Variants in CNOT4 observed in about 807,000 individuals in gnomAD.
The protein encoded by CNOT4 is CCR4-associated factor 4.
In CNOT4, 8 loss-of-function variants were observed where a neutral mutation model predicts 73.8. That is an observed-to-expected ratio of 0.11 (90% CI 0.06 to 0.20). CNOT4 has a LOEUF of 0.20. CNOT4 is among the 10% of genes least tolerant of loss of function. The probability of loss-of-function intolerance (pLI) is 1.00; values close to 1 mark genes in which losing one functional copy is unlikely to be tolerated. For missense variants in CNOT4, 564 were observed against 883.4 expected (o/e 0.64, Z 4.58); for synonymous variants, 293 against 321.1 (o/e 0.91, Z 0.94).
At chr7:135,415,125 G>A in intron 4 of CNOT4, 51 bp downstream of exon 4, 1 of 1,084,756 alleles carries the variant, frequency 9.2e-7, no homozygotes, top group Non-Finnish European at 1.4e-6. Flanking sequence ...AACAGCCCAG[G>A]TCAAGCCCAG....
chr7:135,395,984 A>G, intron 8 of CNOT4, 101 bp from the exon 9 acceptor site: 1 of 715,348 alleles, frequency 1.4e-6, no homozygotes, highest in South Asian at 1.9e-5. Context: ...AGTGTTTCAC[A>G]AACTGGTACT....
At position 135,362,436 on chromosome 7, in the gene CNOT4, T is replaced by C. The variant is rs1457422905; in HGVS notation, c.*449A>G. On this transcript the variant is annotated 3_prime_UTR_variant, in exon 12 of 12. Transcript: ENST00000541284. ...AATACAAGATGGATGCTAGGACCAC[T>C]GCTTTCCCCCATGCATTTAGCAATC... 1 of 274,696 alleles carries C rather than the reference T, an allele frequency of 3.6e-6. No homozygotes were observed. The highest frequency in any genetic ancestry group is 2.2e-5 in the African/African-American group (1 of 44,884). The allele number at this position is 274,696 out of a possible 1,614,324, so 17.0% of individuals were successfully genotyped here.
At chr7:135,464,855 T>G (rs535739665) in intron 1 of CNOT4, among the ~76,000 whole-genome samples, 3 of 152,094 alleles carry the variant, frequency 2.0e-5, no homozygotes. Context: ...TTTTGATATT[T>G]ACTGTTAATA....
At chr7:135,476,529 G>T (rs1301398513) in intron 1 of CNOT4, among the ~76,000 whole-genome samples, 3 of 152,156 alleles carry the variant, frequency 2.0e-5, no homozygotes, top group African/African-American at 7.2e-5. Flanking sequence ...AGATTAAAAG[G>T]AGCTGGGCAT....
At chr7:135,442,174 T>C (rs1354774626) in intron 1 of CNOT4, among the ~76,000 whole-genome samples, 3 of 152,254 alleles carry the variant, frequency 2.0e-5, no homozygotes, top group Admixed American at 6.5e-5. Flanking sequence ...ATTTCCTAAA[T>C]GTATTATAGT....
intron 10 of CNOT4, among the ~76,000 whole-genome samples, chr7:135,380,262 GTTT>G (rs1375739438): frequency 6.6e-6 from 1 of 152,096 alleles, no homozygotes; most frequent in South Asian, 2.1e-4. Context: ...ATTACTATAA[GTTT>G]TTTTCCATTT....
intron 7 of CNOT4, among the ~76,000 whole-genome samples, chr7:135,402,648 A>C (rs1344027437): frequency 6.6e-6 from 1 of 152,200 alleles, no homozygotes; most frequent in African/African-American, 2.4e-5. Flanking sequence ...GACTCCTCAA[A>C]GTCTCTCAAA....
chr7:135,407,979 TCA>T lies in CNOT4; in HGVS notation c.821+2534_821+2535del, dbSNP rs533753335. On this transcript the variant is annotated intron_variant, in intron 7 of 11. Coordinates refer to ENST00000541284, the MANE Select transcript of CNOT4 (RefSeq NM_001190850.2). ...CAAATAAAACATGGGAAACATAAACTCACAGTGCATAAAAAGTTCACTCTGTT... is the reference window on the plus strand; with the variant it reads ...CAAATAAAACATGGGAAACATAAACTCAGTGCATAAAAAGTTCACTCTGTT... Among the ~76,000 whole-genome samples, 358 of 152,250 alleles carry T rather than the reference TCA, an allele frequency of 2.4e-3. 1 individual carries two copies. The highest frequency in any genetic ancestry group is 4.0e-3 in the Non-Finnish European group (275 of 68,016).
At chr7:135,428,282 G>C (rs1428396642) in intron 2 of CNOT4, among the ~76,000 whole-genome samples, 1 of 152,014 alleles carries the variant, frequency 6.6e-6, no homozygotes, top group East Asian at 1.9e-4. Context: ...CTAGTCCTTG[G>C]GGAACCTTAC....
At chr7:135,455,331 C>T (rs1800458265) in intron 1 of CNOT4, among the ~76,000 whole-genome samples, 1 of 151,552 alleles carries the variant, frequency 6.6e-6, no homozygotes, top group Non-Finnish European at 1.5e-5. Context: ...TATAGCAATG[C>T]CAACCAATTC....
intron 10 of CNOT4, among the ~76,000 whole-genome samples, chr7:135,371,993 A>G (rs1795229526): frequency 6.6e-6 from 1 of 152,212 alleles, no homozygotes. Context: ...GAGGAGATCC[A>G]AAGATGGTCA....
chr7:135,504,263 T>C lies in CNOT4; in HGVS notation c.-93+5626A>G, dbSNP rs541417100. Among the ~76,000 whole-genome samples the C allele has an allele frequency of 7.0e-4, 106 of 152,156 alleles. 2 individuals are homozygous for C. The South Asian group carries it at 0.021, about 30-fold the overall frequency. ...TATTTTGCCTACATCATTCACTAAT[T>C]GCTTCCAAAAGCAGTAATATAAGAT... On this transcript the variant is annotated intron_variant, in intron 1 of 11. Transcript: ENST00000541284.
chr7:135,378,470 C>A (rs924356071), intron 10 of CNOT4, among the ~76,000 whole-genome samples: 1 of 151,660 alleles, frequency 6.6e-6, no homozygotes, highest in Middle Eastern at 3.4e-3. Context: ...CACCACTGCC[C>A]TCCAGCCTGG....
At position 135,395,794 on chromosome 7, in the gene CNOT4, C is replaced by T. The variant is rs1182304045; in HGVS notation, c.969G>A (p.Arg323=). The T allele has an allele frequency of 6.2e-7, 1 of 1,613,570 alleles. No individual in the cohort carries two copies. The part of the protein sequence containing the change: ...IPISSSNHSA[R]SPFEGAVTES... ...CTGTTACTGCCCCTTCAAAAGGGGACCGTGCACTGTGATTGGATGAACTGA... is the reference window on the plus strand; with the variant it reads ...CTGTTACTGCCCCTTCAAAAGGGGATCGTGCACTGTGATTGGATGAACTGA... Residue 323 remains arginine (R), a synonymous_variant, in exon 9 of 12, where the codon CGG becomes CGA. Coordinates refer to ENST00000541284, the MANE Select transcript of CNOT4 (RefSeq NM_001190850.2).
At chr7:135,504,462 ATT>A (rs34100799) in intron 1 of CNOT4, among the ~76,000 whole-genome samples, 1,358 of 55,922 alleles carry the variant, frequency 0.024, 34 homozygotes, top group East Asian at 0.046. Context: ...CATCCGGCTA[ATT>A]TTTTTTTTTT....
At chr7:135,434,270 T>G (rs1024981439) in intron 2 of CNOT4, among the ~76,000 whole-genome samples, 1 of 152,184 alleles carries the variant, frequency 6.6e-6, no homozygotes, top group Non-Finnish European at 1.5e-5. Context: ...CTTGCTTGAC[T>G]CCGACCGACA....
At position 135,418,414 on chromosome 7, in the gene CNOT4, G is replaced by T. The variant is rs75144346; in HGVS notation, c.373-3152C>A. On this transcript the variant is annotated intron_variant, in intron 3 of 11. Transcript: ENST00000541284. ...ACTAACATAGAAAATAAGAGGCCATGTGACAGAATTATAAATGTTCAAGGG... is the reference window on the plus strand; with the variant it reads ...ACTAACATAGAAAATAAGAGGCCATTTGACAGAATTATAAATGTTCAAGGG... Among the ~76,000 whole-genome samples, 29 of 152,320 alleles carry T rather than the reference G, an allele frequency of 1.9e-4. No homozygotes were observed. The East Asian group carries it at 4.8e-3, about 25-fold the overall frequency.
intron 10 of CNOT4, chr7:135,384,825 A>G (rs1201468497): frequency 5.6e-6 from 4 of 715,980 alleles, no homozygotes; most frequent in Non-Finnish European, 1.0e-5. Flanking sequence ...TGTCTCTTCA[A>G]CTTTGTTGTC....
chr7:135,371,122 T>G (rs1379320572), intron 10 of CNOT4, among the ~76,000 whole-genome samples: 1 of 152,120 alleles, frequency 6.6e-6, no homozygotes, highest in African/African-American at 2.4e-5. Context: ...TCCAATGAGG[T>G]TAAGTAGTAG....
Sources: allele counts gnomAD v4.1 joint callset (sites outside exome capture counted in the v4.1 genomes callset), GRCh38; gene constraint gnomAD v4.1.1; transcripts MANE v1.5; gene names NCBI Gene and HGNC (gene_info 2026-07-23, HGNC 2026-07-21).